Variants in KIAA1328 observed in about 807,000 individuals in gnomAD.
The protein encoded by KIAA1328 is KIAA1328.
A neutral mutation model predicts 68.1 loss-of-function variants in KIAA1328; 52 were observed. The ratio of observed to expected loss-of-function variants is 0.76; its 90% CI spans 0.61 to 0.96. KIAA1328 has a LOEUF of 0.96. KIAA1328 is among the 40% of genes least tolerant of loss of function. KIAA1328 has a pLI of 0.00. For synonymous variants in KIAA1328, 232 were observed against 239.4 expected (o/e 0.97, Z 0.28); for missense variants, 641 against 677.6 (o/e 0.95, Z 0.60).
downstream of KIAA1328, among the ~76,000 whole-genome samples, chr18:37,226,858 C>A (rs1327097584): frequency 6.6e-6 from 1 of 151,942 alleles, no homozygotes; most frequent in Non-Finnish European, 1.5e-5. Flanking sequence ...ACCTCCGCCT[C>A]CCGGGTTCAA....
intron 6 of KIAA1328, among the ~76,000 whole-genome samples, chr18:37,046,761 T>C (rs973777573): frequency 2.0e-5 from 3 of 152,238 alleles, no homozygotes; most frequent in Non-Finnish European, 4.4e-5. Context: ...TTTGCTCTCC[T>C]AGACCCTGAA....
At chr18:37,101,373 C>T (rs908260191) in intron 7 of KIAA1328, among the ~76,000 whole-genome samples, 1 of 152,058 alleles carries the variant, frequency 6.6e-6, no homozygotes. Context: ...GATGAATGCA[C>T]AAGCCTCAGT....
chr18:37,212,428 A>G (rs1017481074), intron 9 of KIAA1328, among the ~76,000 whole-genome samples: 28 of 152,208 alleles, frequency 1.8e-4, no homozygotes, highest in African/African-American at 6.5e-4. Flanking sequence ...GGCAGGGCCA[A>G]TAACATAACT....
intron 7 of KIAA1328, among the ~76,000 whole-genome samples, chr18:37,077,633 G>A (rs1443584863): frequency 6.6e-6 from 1 of 151,446 alleles, no homozygotes; most frequent in African/African-American, 2.4e-5. Context: ...CTTCAGCAAA[G>A]TCTCAGGATA....
intron 9 of KIAA1328, among the ~76,000 whole-genome samples, chr18:37,203,083 A>G (rs1429967879): frequency 1.3e-5 from 2 of 151,640 alleles, no homozygotes; most frequent in African/African-American, 4.8e-5. Flanking sequence ...TTTACTCAAA[A>G]GGTAAACCAA....
chr18:36,910,321 G>C (rs2049389209), intron 5 of KIAA1328, among the ~76,000 whole-genome samples: 1 of 152,104 alleles, frequency 6.6e-6, no homozygotes, highest in South Asian at 2.1e-4. Flanking sequence ...AAGGGATCCA[G>C]TTTCAGCTTT....
chr18:36,864,446 C>T (rs962073270), intron 4 of KIAA1328, among the ~76,000 whole-genome samples: 3 of 151,838 alleles, frequency 2.0e-5, no homozygotes, highest in Non-Finnish European at 4.4e-5. Flanking sequence ...GGACTACAGG[C>T]GCCTGCCACC....
At chr18:37,048,396 T>C (rs568845999) in intron 6 of KIAA1328, among the ~76,000 whole-genome samples, 1 of 152,256 alleles carries the variant, frequency 6.6e-6, no homozygotes, top group South Asian at 2.1e-4. Flanking sequence ...GTCACTTACG[T>C]TAAGGCTGAT....
intron 7 of KIAA1328, among the ~76,000 whole-genome samples, chr18:37,100,108 G>T (rs976978986): frequency 1.3e-5 from 2 of 152,146 alleles, no homozygotes; most frequent in African/African-American, 4.8e-5. Context: ...GCAGAAGACG[G>T]GTCATTTCTG....
chr18:36,989,841 C>A (rs1360007476), intron 6 of KIAA1328, among the ~76,000 whole-genome samples: 1 of 152,044 alleles, frequency 6.6e-6, no homozygotes, highest in African/African-American at 2.4e-5. Flanking sequence ...CCTACAGGTG[C>A]CCGCCACCAC....
intron 5 of KIAA1328, among the ~76,000 whole-genome samples, chr18:36,939,910 T>G (rs767871415): frequency 4.6e-5 from 7 of 152,122 alleles, no homozygotes; most frequent in Non-Finnish European, 7.4e-5. Flanking sequence ...AAATATCTAT[T>G]TTATATATTC....
chr18:36,996,101 G>A (rs1427777659), intron 6 of KIAA1328, among the ~76,000 whole-genome samples: 2 of 152,108 alleles, frequency 1.3e-5, no homozygotes, highest in African/African-American at 4.8e-5. Flanking sequence ...TAAGTAACTT[G>A]CCCAAGGTTA....
chr18:36,895,846 ATCTC>A, intron 5 of KIAA1328: 1 of 453,902 alleles, frequency 2.2e-6, no homozygotes, highest in South Asian at 1.6e-5. Flanking sequence ...GAGCAGAGAG[ATCTC>A]TCTGTCACAC....
intron 6 of KIAA1328, among the ~76,000 whole-genome samples, chr18:36,983,824 C>T (rs566202827): frequency 4.0e-4 from 61 of 152,120 alleles, no homozygotes; most frequent in East Asian, 2.5e-3. Context: ...AATTGATATC[C>T]CTCATGAATC....
intron 5 of KIAA1328, among the ~76,000 whole-genome samples, chr18:36,942,481 G>A (rs1045521025): frequency 6.6e-6 from 1 of 152,114 alleles, no homozygotes; most frequent in African/African-American, 2.4e-5. Flanking sequence ...TTCACAAATC[G>A]CAGCACCACT....
At chr18:36,975,358 A>G (rs1314627435) in intron 6 of KIAA1328, among the ~76,000 whole-genome samples, 3 of 151,450 alleles carry the variant, frequency 2.0e-5, no homozygotes, top group Non-Finnish European at 2.9e-5. Flanking sequence ...AATTTTTTGT[A>G]TTTTTAGTAG....
chr18:37,161,711 G>A (rs2059282663), intron 8 of KIAA1328, among the ~76,000 whole-genome samples: 1 of 152,224 alleles, frequency 6.6e-6, no homozygotes, highest in Non-Finnish European at 1.5e-5. Flanking sequence ...AACTGGTGTG[G>A]TGGTTACACT....
intron 7 of KIAA1328, among the ~76,000 whole-genome samples, chr18:37,110,028 T>C (rs544047985): frequency 8.6e-5 from 13 of 151,500 alleles, no homozygotes; most frequent in Admixed American, 2.6e-4. Context: ...AGAAAAGCAG[T>C]GGACTTGAAG....
intron 6 of KIAA1328, among the ~76,000 whole-genome samples, chr18:37,043,014 T>C (rs1425283245): frequency 6.6e-6 from 1 of 152,200 alleles, no homozygotes; most frequent in African/African-American, 2.4e-5. Flanking sequence ...CCTTCTGCTG[T>C]TGAGACCACC....
Sources: allele counts gnomAD v4.1 joint callset (sites outside exome capture counted in the v4.1 genomes callset), GRCh38; gene constraint gnomAD v4.1.1; transcripts MANE v1.5; gene names NCBI Gene and HGNC (gene_info 2026-07-23, HGNC 2026-07-21).